ARHGAP32: variants seen among roughly 807,000 people sequenced by gnomAD.
ARHGAP32 encodes the protein Rho GTPase activating protein 32.
Under a neutral mutation model 186.5 loss-of-function variants are expected in ARHGAP32, and 51 were observed. The ratio of observed to expected loss-of-function variants is 0.27; its 90% CI spans 0.22 to 0.35. The LOEUF (loss-of-function observed/expected upper bound fraction) is 0.35. ARHGAP32 is among the 10% of genes least tolerant of loss of function. The pLI is 1.00. For synonymous variants in ARHGAP32, 950 were observed against 964.3 expected (o/e 0.99, Z 0.27); for missense variants, 2,186 against 2,623.5 (o/e 0.83, Z 3.64).
At chr11:129,177,220 T>C (rs1419808523) in intron 1 of ARHGAP32, among the ~76,000 whole-genome samples, 1 of 152,164 alleles carries the variant, frequency 6.6e-6, no homozygotes, top group Non-Finnish European at 1.5e-5. Context: ...ACATACACTC[T>C]ACCAAGACTA....
chr11:128,972,933 A>C lies in ARHGAP32; in HGVS notation c.3573T>G (p.Asp1191Glu), dbSNP rs756607854. The C allele has an allele frequency of 6.2e-7, 1 of 1,614,080 alleles. No individual in the cohort carries two copies. The highest frequency in any genetic ancestry group is 8.5e-7 in the Non-Finnish European group (1 of 1,180,026). ...TSVPLDSEKSDDHVSFPEDQS... is the reference protein window; with the variant it reads ...TSVPLDSEKSEDHVSFPEDQS... ...GGTCTTCAGGGAAACTTACATGATC[A>C]TCAGACTTCTCTGAGTCTAAGGGAA... is the stretch of plus-strand genomic sequence containing the variant. The change falls in exon 22 of 23, where the codon GAT (aspartate) becomes GAG (glutamate). Residue 1191 changes from aspartate (D) to glutamate (E), a missense_variant. Transcript: ENST00000682385.
At position 129,097,600 on chromosome 11, in the gene ARHGAP32, G is replaced by C. The variant is rs142107481; in HGVS notation, c.445-3893C>G. ...AAACAATTAGTTAACTTAAAGATAAGACAAAAGAGATGATTGAGTAATAGG... is the reference window on the plus strand; with the variant it reads ...AAACAATTAGTTAACTTAAAGATAACACAAAAGAGATGATTGAGTAATAGG... On this transcript the variant is annotated intron_variant, in intron 5 of 22. Transcript: ENST00000682385. Among the ~76,000 whole-genome samples, 13 of 151,986 alleles carry C rather than the reference G, an allele frequency of 8.6e-5. No homozygotes were observed. The East Asian group carries it at 1.9e-3, about 23-fold the overall frequency.
intron 11 of ARHGAP32, among the ~76,000 whole-genome samples, chr11:129,017,361 T>C (rs1938399866): frequency 6.7e-6 from 1 of 149,184 alleles, no homozygotes; most frequent in South Asian, 2.1e-4. Flanking sequence ...GGCAGGAGAA[T>C]CATTTGAACC....
chr11:129,099,462 T>C (rs1191340365), intron 5 of ARHGAP32, among the ~76,000 whole-genome samples: 1 of 152,184 alleles, frequency 6.6e-6, no homozygotes, highest in Non-Finnish European at 1.5e-5. Flanking sequence ...TTTAGAGATA[T>C]TCACAACTAC....
intron 1 of ARHGAP32, among the ~76,000 whole-genome samples, chr11:129,182,578 A>T (rs1279141936): frequency 2.0e-5 from 3 of 151,516 alleles, no homozygotes; most frequent in African/African-American, 7.3e-5. Context: ...TTACTGCTTT[A>T]AATCATAGTT....
In ARHGAP32 at chr11:129,124,819, C is replaced by A. The variant is rs1942622814; in HGVS notation, c.301G>T (p.Val101Phe). The change falls in exon 3 of 23, where the codon GTT (valine) becomes TTT (phenylalanine). Residue 101 changes from valine (V) to phenylalanine (F), a missense_variant. Physicochemically the swap from Val to Phe is conservative, Grantham distance 50 (BLOSUM62 -1). This residue lies in a region of ARHGAP32 where 308 missense variants were observed against 596.5 expected (regional missense o/e 0.52). Transcript: ENST00000682385. ...KTCGSTASMK[V>F]KHVKKSTTPG... ...TATACTCACTTTTTCACATGCTTAA[C>A]CTTCATACTGGCTGTACTGCCACAC... 1 of 1,608,672 alleles carries A rather than the reference C, an allele frequency of 6.2e-7. No individual in the cohort carries two copies. The highest frequency in any genetic ancestry group is 8.5e-7 in the Non-Finnish European group (1 of 1,177,490).
intron 1 of ARHGAP32, among the ~76,000 whole-genome samples, chr11:129,234,419 T>C (rs951268400): frequency 2.6e-5 from 4 of 152,068 alleles, no homozygotes; most frequent in Admixed American, 6.6e-5. Context: ...TATTTTTCCT[T>C]AAAATATATA....
chr11:129,035,266 A>G (rs1939284934), intron 11 of ARHGAP32, among the ~76,000 whole-genome samples: 2 of 149,798 alleles, frequency 1.3e-5, no homozygotes, highest in African/African-American at 4.9e-5. Context: ...ATGGTGATTA[A>G]TTTTCTGTAC....
chr11:129,185,221 T>C (rs959463985), intron 1 of ARHGAP32, among the ~76,000 whole-genome samples: 2 of 152,124 alleles, frequency 1.3e-5, no homozygotes, highest in Non-Finnish European at 2.9e-5. Flanking sequence ...AACAATGATA[T>C]ACTGGATTAA....
In ARHGAP32 at chr11:129,221,975, A is replaced by G. The variant is rs75270203; in HGVS notation, c.-5+57171T>C. On this transcript the variant is annotated intron_variant, in intron 1 of 6. Coordinates refer to the ARHGAP32 transcript ENST00000525234. ...AGTCACTGGCCCTCTTTACTCAGGG[A>G]CATTGTGAATATGCAGGACCCAAAG... is the stretch of plus-strand genomic sequence containing the variant. Among the ~76,000 whole-genome samples the G allele has an allele frequency of 5.3e-4, 81 of 152,126 alleles. 3 individuals are homozygous for G. In the East Asian group the frequency reaches 0.013, roughly 24 times the overall value.
intron 2 of ARHGAP32, among the ~76,000 whole-genome samples, chr11:129,150,006 A>G (rs1203816280): frequency 6.6e-6 from 1 of 151,916 alleles, no homozygotes; most frequent in Non-Finnish European, 1.5e-5. Flanking sequence ...AAACACCCTG[A>G]GAAGTTTCAA....
At chr11:129,131,800 A>C (rs192137462) in intron 2 of ARHGAP32, among the ~76,000 whole-genome samples, 1 of 152,162 alleles carries the variant, frequency 6.6e-6, no homozygotes, top group Non-Finnish European at 1.5e-5. Context: ...TTGAGTAGAG[A>C]AACAATAAAG....
At chr11:129,025,307 T>C (rs373354762) in intron 11 of ARHGAP32, among the ~76,000 whole-genome samples, 6 of 152,296 alleles carry the variant, frequency 3.9e-5, no homozygotes, top group South Asian at 2.1e-4. Context: ...CTGCTGTTGA[T>C]TGAATTTATT....
At chr11:129,021,459 C>G (rs1591539090) in intron 11 of ARHGAP32, among the ~76,000 whole-genome samples, 1 of 151,994 alleles carries the variant, frequency 6.6e-6, no homozygotes, top group Non-Finnish European at 1.5e-5. Flanking sequence ...ATGCTGCTGC[C>G]CTTCCTAGAG....
At chr11:129,012,191 C>T (rs1938115945) in intron 11 of ARHGAP32, among the ~76,000 whole-genome samples, 1 of 152,146 alleles carries the variant, frequency 6.6e-6, no homozygotes, top group Non-Finnish European at 1.5e-5. Flanking sequence ...TAATATTTAA[C>T]TTCATCCAAC....
At chr11:129,000,985 A>T (rs1946343630) in intron 11 of ARHGAP32, among the ~76,000 whole-genome samples, 1 of 152,010 alleles carries the variant, frequency 6.6e-6, no homozygotes, top group Non-Finnish European at 1.5e-5. Context: ...GCTGAATACT[A>T]CCCCATTGTG....
intron 10 of ARHGAP32, among the ~76,000 whole-genome samples, chr11:129,048,074 A>AC (rs1591564744): frequency 1.4e-5 from 2 of 145,048 alleles, no homozygotes; most frequent in African/African-American, 2.6e-5. Flanking sequence ...CAATTCCCCC[A>AC]CCCCCCACTC....
chr11:129,193,703 A>ATATATTATATAT (rs1565464994), upstream of ARHGAP32, among the ~76,000 whole-genome samples: 30 of 48,380 alleles, frequency 6.2e-4, no homozygotes, highest in African/African-American at 2.3e-3. Context: ...ATAATATATA[A>ATATATTATATAT]TATATATTAT....
At chr11:129,133,998 C>T (rs1213981559) in intron 2 of ARHGAP32, among the ~76,000 whole-genome samples, 1 of 151,986 alleles carries the variant, frequency 6.6e-6, no homozygotes, top group Non-Finnish European at 1.5e-5. Flanking sequence ...AAGGGAACCT[C>T]GATGGTGGTA....
Sources: gnomAD v4.1 joint callset for allele counts (sites outside exome capture counted in the v4.1 genomes callset) on GRCh38, gnomAD v4.1.1 for gene constraint, gnomAD v4.1.1 regional missense constraint, MANE v1.5 for transcripts, NCBI Gene and HGNC (gene_info 2026-07-23, HGNC 2026-07-21) for gene names.